TANC1: variants seen among roughly 807,000 people sequenced by gnomAD.
The protein encoded by TANC1 is tetratricopeptide repeat, ankyrin repeat and coiled-coil containing 1.
In TANC1, 77 loss-of-function variants were observed where a neutral mutation model predicts 149.7. That is an observed-to-expected ratio of 0.51 (90% confidence interval 0.43 to 0.62). The LOEUF (loss-of-function observed/expected upper bound fraction) is 0.62. Ranked by LOEUF, TANC1 falls within the 20% of genes least tolerant of loss-of-function variation. The pLI is 0.00. For synonymous variants in TANC1, 854 were observed against 925.0 expected, an observed-to-expected ratio of 0.92 and a Z score of 1.39; for missense variants, 1,985 against 2,321.8, an observed-to-expected ratio of 0.85 and a Z score of 2.98.
intron 5 of TANC1, among the ~76,000 whole-genome samples, chr2:159,147,227 A>G (rs2052233670): frequency 6.6e-6 from 1 of 152,214 alleles, no homozygotes; most frequent in Non-Finnish European, 1.5e-5. Flanking sequence ...ACCAGAAGCT[A>G]GACATTCTGG....
At chr2:159,201,515 C>G (rs1223625278) in intron 19 of TANC1, among the ~76,000 whole-genome samples, 2 of 152,150 alleles carry the variant, frequency 1.3e-5, no homozygotes, top group Admixed American at 1.3e-4. Context: ...CTGCTGTGTG[C>G]ATTGTTGCTC....
At position 159,178,752 on chromosome 2, in the gene TANC1, G is replaced by A. The variant is rs1348125450; in HGVS notation, c.2099G>A (p.Ser700Asn). ...GKVSSHLVLR[S>N]LGSYLYLKLT... ...GTGAGCAGCCACCTGGTGCTGCGGAGCCTCGGCTCCTACCTGTACCTCAAG... is the reference window on the plus strand; with the variant it reads ...GTGAGCAGCCACCTGGTGCTGCGGAACCTCGGCTCCTACCTGTACCTCAAG... The change falls in exon 14 of 27, where the codon AGC (serine) becomes AAC (asparagine). Residue 700 changes from serine to asparagine, a missense_variant. Physicochemically the swap from Ser to Asn is conservative, Grantham distance 46. Around this residue, in one of 3 missense-constraint regions of TANC1, gnomAD observed 508 missense variants for 714.2 expected, o/e 0.71. Transcript: ENST00000263635. The A allele has an allele frequency of 3.7e-6, 6 of 1,614,188 alleles. No homozygotes were observed. In the Admixed American group the frequency reaches 8.3e-5, roughly 22 times the overall value.
chr2:159,214,740 G>A (rs1473463220), intron 19 of TANC1, among the ~76,000 whole-genome samples: 4 of 152,192 alleles, frequency 2.6e-5, no homozygotes, highest in Admixed American at 2.6e-4. Context: ...CTGGGGAGCT[G>A]GGAATCAGCT....
chr2:159,177,694 T>G (rs185917285), intron 13 of TANC1, among the ~76,000 whole-genome samples: 114 of 152,358 alleles, frequency 7.5e-4, no homozygotes, highest in Non-Finnish European at 7.8e-4. Context: ...TTATCTACAT[T>G]GTTATATTAA....
rs2056416909 is a variant in TANC1 at position 159,181,034 on chromosome 2, TG to T, written c.2510+1872del. 6.6e-5 allele frequency among the ~76,000 whole-genome samples: 10 copies of T among 152,350 alleles called. No individual in the cohort carries two copies. In the South Asian group the frequency reaches 2.1e-3, roughly 32 times the overall value. On this transcript the variant is annotated intron_variant, in intron 14 of 26. Coordinates refer to ENST00000263635, the MANE Select transcript of TANC1 (RefSeq NM_033394.3). ...CCCCAACTCCCAGTTGTCGTATTTT[TG>T]CCCTAATTATAAAAGCAGAAAATTT...
chr2:159,067,412 G>A (rs1228925659), intron 3 of TANC1, among the ~76,000 whole-genome samples: 1 of 152,126 alleles, frequency 6.6e-6, no homozygotes, highest in African/African-American at 2.4e-5. Context: ...CTAAACAGGA[G>A]ACCATAGTTA....
intron 4 of TANC1, among the ~76,000 whole-genome samples, chr2:159,123,664 G>A (rs139410523): frequency 1.5e-4 from 23 of 152,242 alleles, no homozygotes; most frequent in South Asian, 8.3e-4. Context: ...CTAATTTATA[G>A]CAAATGAGTA....
intron 14 of TANC1, among the ~76,000 whole-genome samples, chr2:159,182,164 G>C (rs1057097718): frequency 4.6e-5 from 7 of 151,832 alleles, no homozygotes; most frequent in African/African-American, 1.5e-4. Flanking sequence ...AGTCGAGATC[G>C]TGCCACTACA....
At chr2:159,072,334 C>T (rs558818243) in intron 3 of TANC1, among the ~76,000 whole-genome samples, 12 of 152,270 alleles carry the variant, frequency 7.9e-5, no homozygotes, top group Admixed American at 3.3e-4. Context: ...TTGATAGGTT[C>T]CTTCATCAGA....
chr2:158,999,859 C>A (rs2149320201), intron 1 of TANC1, among the ~76,000 whole-genome samples: 1 of 152,266 alleles, frequency 6.6e-6, no homozygotes, highest in African/African-American at 2.4e-5. Flanking sequence ...CTCAGGGAGA[C>A]AGACAATCAA....
chr2:158,979,047 A>G (rs1457620241), intron 1 of TANC1, among the ~76,000 whole-genome samples: 1 of 152,164 alleles, frequency 6.6e-6, no homozygotes, highest in Non-Finnish European at 1.5e-5. Context: ...TCTTAAATGG[A>G]ATATGATATA....
chr2:159,032,283 C>A (rs1215378628), intron 2 of TANC1, among the ~76,000 whole-genome samples: 1 of 152,158 alleles, frequency 6.6e-6, no homozygotes, highest in African/African-American at 2.4e-5. Flanking sequence ...TTTGAGAAAG[C>A]CTGTCCTGGT....
chr2:159,041,679 G>T (rs1172687190), intron 2 of TANC1, among the ~76,000 whole-genome samples: 1 of 152,194 alleles, frequency 6.6e-6, no homozygotes, highest in Non-Finnish European at 1.5e-5. Context: ...GATTTTCCAG[G>T]TACAGTCTGC....
intron 2 of TANC1, among the ~76,000 whole-genome samples, chr2:159,007,569 A>T (rs1177732538): frequency 6.6e-6 from 1 of 152,242 alleles, no homozygotes; most frequent in Non-Finnish European, 1.5e-5. Flanking sequence ...TAGGAGCAAT[A>T]GTCTCTACCA....
At chr2:159,106,980 G>A (rs1472867705) in intron 4 of TANC1, among the ~76,000 whole-genome samples, 1 of 152,128 alleles carries the variant, frequency 6.6e-6, no homozygotes, top group Admixed American at 6.5e-5. Context: ...TCTGAGGATT[G>A]TCTTTTTTAC....
chr2:159,171,898 T>C (rs1356671212), intron 10 of TANC1, among the ~76,000 whole-genome samples: 1 of 134,634 alleles, frequency 7.4e-6, no homozygotes, highest in Non-Finnish European at 1.6e-5. Context: ...AAAAATTTAA[T>C]AGAGGAAACT....
chr2:159,059,671 C>T (rs1415553546), intron 2 of TANC1, among the ~76,000 whole-genome samples: 1 of 152,044 alleles, frequency 6.6e-6, no homozygotes, highest in African/African-American at 2.4e-5. Flanking sequence ...GTCATATTGG[C>T]AAGGTCTCTG....
chr2:159,202,324 G>C (rs1463334059), intron 19 of TANC1, among the ~76,000 whole-genome samples: 1 of 152,174 alleles, frequency 6.6e-6, no homozygotes, highest in East Asian at 1.9e-4. Flanking sequence ...ATGTACAATA[G>C]AATTTTAAGA....
At position 159,001,412 on chromosome 2, in the gene TANC1, G is replaced by A. The variant is rs527429013; in HGVS notation, c.-16+223G>A. ...TTTAATGAGTACAGAGTTTCAGTTG[G>A]GGAAGACAAAAAACTTGTATAGGTG... On this transcript the variant is annotated intron_variant, in intron 2 of 26. Transcript: ENST00000263635. The surrounding 1 kb of genome is among the most constrained non-coding windows in gnomAD (Gnocchi z 4.3). Among the ~76,000 whole-genome samples, 56 of 152,286 alleles carry A rather than the reference G, an allele frequency of 3.7e-4. No individual in the cohort carries two copies. The highest frequency in any genetic ancestry group is 1.2e-3 in the African/African-American group (51 of 41,566).
Sources: allele counts gnomAD v4.1 joint callset (sites outside exome capture counted in the v4.1 genomes callset), GRCh38; gene constraint gnomAD v4.1.1; regional missense constraint gnomAD v4.1.1; non-coding constraint Gnocchi (gnomAD v3.1); transcripts MANE v1.5; gene names NCBI Gene and HGNC (gene_info 2026-07-23, HGNC 2026-07-21).